Variants in AKAP19 observed in about 807,000 individuals in gnomAD.
AKAP19 encodes the protein A-kinase anchoring protein 19.
chr2:189,943,836 C>T, the AKAP19 span, among the ~76,000 whole-genome samples: 3 of 152,344 alleles, frequency 2.0e-5, 1 homozygote, highest in South Asian at 6.2e-4. Context: ...TGCCCTGCAG[C>T]GTTATGAACT....
chr2:189,931,928 TATTA>T, the AKAP19 span, among the ~76,000 whole-genome samples: 1 of 152,182 alleles, frequency 6.6e-6, no homozygotes, highest in Admixed American at 6.5e-5. Context: ...GATACAATAT[TATTA>T]ACTGATTTAC....
At chr2:190,009,885 A>AG in the AKAP19 span, among the ~76,000 whole-genome samples, 4 of 151,930 alleles carry the variant, frequency 2.6e-5, no homozygotes, top group African/African-American at 9.7e-5. Flanking sequence ...GATAACCAAG[A>AG]GAAAAAAAAA....
the AKAP19 span, among the ~76,000 whole-genome samples, chr2:189,974,170 G>A: frequency 2.0e-5 from 3 of 151,936 alleles, no homozygotes; most frequent in Non-Finnish European, 4.4e-5. Flanking sequence ...AGAGATTCTG[G>A]TATGTTGTGT....
At chr2:190,143,007 A>G in the AKAP19 span, among the ~76,000 whole-genome samples, 9 of 152,080 alleles carry the variant, frequency 5.9e-5, no homozygotes, top group African/African-American at 2.2e-4. Flanking sequence ...ACCCATTTTT[A>G]TACTAAATAT....
At chr2:190,176,015 T>A in the AKAP19 span, among the ~76,000 whole-genome samples, 1 of 152,208 alleles carries the variant, frequency 6.6e-6, no homozygotes. The surrounding 1 kb of genome is among the most constrained non-coding windows in gnomAD (Gnocchi z 4.7). Flanking sequence ...CTACCAAACC[T>A]GCTTGTGCCA....
chr2:189,984,839 A>G, the AKAP19 span, among the ~76,000 whole-genome samples: 1 of 152,008 alleles, frequency 6.6e-6, no homozygotes, highest in East Asian at 1.9e-4. Context: ...TTCCTGCAAC[A>G]TTTTGGGGGA....
At chr2:190,048,798 T>G in the AKAP19 span, among the ~76,000 whole-genome samples, 1 of 152,178 alleles carries the variant, frequency 6.6e-6, no homozygotes. Context: ...ATTCTACATT[T>G]TATATCAGCA....
the AKAP19 span, among the ~76,000 whole-genome samples, chr2:189,942,824 G>A: frequency 1.3e-5 from 2 of 152,214 alleles, no homozygotes; most frequent in African/African-American, 2.4e-5. Flanking sequence ...ACTTCATAGT[G>A]ATGATTTAGG....
chr2:189,964,574 T>C, the AKAP19 span, among the ~76,000 whole-genome samples: 3 of 152,352 alleles, frequency 2.0e-5, no homozygotes, highest in Admixed American at 1.3e-4. Flanking sequence ...TTGTTTAGTG[T>C]AGCCACCTTC....
At chr2:190,109,598 C>T in the AKAP19 span, among the ~76,000 whole-genome samples, 45,463 of 151,802 alleles carry the variant, frequency 0.3, 8,920 homozygotes, top group African/African-American at 0.56. Context: ...GGAAGAGGAC[C>T]TTCCCTCCAC....
chr2:190,148,953 CTTTTTTTTTTTTT>C, the AKAP19 span, among the ~76,000 whole-genome samples: 290 of 134,128 alleles, frequency 2.2e-3, 2 homozygotes, highest in African/African-American at 7.7e-3. Context: ...TCTTTTCTTT[CTTTTTTTTTTTTT>C]TTTTTTTTTT....
At chr2:190,017,616 CAATTTATTTT>C in the AKAP19 span, among the ~76,000 whole-genome samples, 2 of 152,024 alleles carry the variant, frequency 1.3e-5, no homozygotes, top group East Asian at 3.9e-4. Flanking sequence ...TCTTCTTTGA[CAATTTATTTT>C]AGCTATAGCT....
At chr2:189,915,353 T>C in the AKAP19 span, among the ~76,000 whole-genome samples, 59 of 152,298 alleles carry the variant, frequency 3.9e-4, no homozygotes, top group Admixed American at 7.2e-4. Context: ...AACCAGGCAA[T>C]ATCAGTTATT....
chr2:189,886,777 C>A, the AKAP19 span, among the ~76,000 whole-genome samples: 1 of 150,896 alleles, frequency 6.6e-6, no homozygotes, highest in Non-Finnish European at 1.5e-5. Flanking sequence ...AGGTATGAAA[C>A]ATTCAGAACT....
At chr2:189,902,478 C>T in the AKAP19 span, among the ~76,000 whole-genome samples, 1 of 152,004 alleles carries the variant, frequency 6.6e-6, no homozygotes, top group African/African-American at 2.4e-5. Context: ...ATTTAAAAGA[C>T]GTTTTAAATG....
the AKAP19 span, among the ~76,000 whole-genome samples, chr2:190,039,699 T>G: frequency 6.6e-6 from 1 of 151,762 alleles, no homozygotes; most frequent in Non-Finnish European, 1.5e-5. Context: ...TAGACCCCGG[T>G]GTCTGTTGTT....
the AKAP19 span, among the ~76,000 whole-genome samples, chr2:190,071,037 T>A: frequency 2.6e-5 from 4 of 152,146 alleles, no homozygotes; most frequent in Non-Finnish European, 4.4e-5. Flanking sequence ...TACTACGGCT[T>A]AGTGATGTCT....
chr2:190,136,052 G>A, the AKAP19 span, among the ~76,000 whole-genome samples: 45,557 of 152,046 alleles, frequency 0.3, 7,160 homozygotes, highest in Admixed American at 0.38. Flanking sequence ...AGACACCGAT[G>A]TATTTATTTG....
the AKAP19 span, among the ~76,000 whole-genome samples, chr2:190,058,282 C>T: frequency 6.6e-6 from 1 of 151,912 alleles, no homozygotes; most frequent in Admixed American, 6.6e-5. Flanking sequence ...CTTTGTTTCC[C>T]TTTACATGAA....
Sources: gnomAD v4.1 joint callset for allele counts (sites outside exome capture counted in the v4.1 genomes callset) on GRCh38, gnomAD v4.1.1 for gene constraint, Gnocchi (gnomAD v3.1) non-coding constraint, MANE v1.5 for transcripts, NCBI Gene and HGNC (gene_info 2026-07-23, HGNC 2026-07-21) for gene names.